SLC14A2: variants seen among roughly 807,000 people sequenced by gnomAD.
The protein encoded by SLC14A2 is solute carrier family 14 member 2.
In SLC14A2, 91 loss-of-function variants were observed where a neutral mutation model predicts 104.6. The observed-to-expected ratio is 0.87, with a 90% CI of 0.73 to 1.04. The LOEUF (loss-of-function observed/expected upper bound fraction) is 1.04, where lower values mean the gene tolerates loss of function less well. Among genes scored for constraint, SLC14A2 ranks in the 50% least tolerant of loss-of-function variants. The pLI is 0.00. For missense variants in SLC14A2, 1,189 were observed against 1,156.0 expected, an observed-to-expected ratio of 1.03 and a Z score of -0.41; for synonymous variants, 476 against 466.4, an observed-to-expected ratio of 1.02 and a Z score of -0.27.
chr18:45,287,802 C>T (rs1033432865), intron 1 of SLC14A2, among the ~76,000 whole-genome samples: 2 of 152,196 alleles, frequency 1.3e-5, no homozygotes, highest in Non-Finnish European at 1.5e-5. Flanking sequence ...CAGATACCAC[C>T]GAGTCCTCTC....
At chr18:45,385,365 C>A (rs1011681651) in intron 1 of SLC14A2, among the ~76,000 whole-genome samples, 15 of 152,346 alleles carry the variant, frequency 9.8e-5, no homozygotes, top group African/African-American at 3.6e-4. Context: ...GTGTTTCCCT[C>A]TGGGTCAAAA....
intron 1 of SLC14A2, among the ~76,000 whole-genome samples, chr18:45,466,708 G>A (rs1322849657): frequency 6.6e-6 from 1 of 151,578 alleles, no homozygotes; most frequent in African/African-American, 2.4e-5. Flanking sequence ...AGTAGATTGA[G>A]GGTAAATAAA....
At chr18:45,469,961 A>G (rs1372921611) in intron 1 of SLC14A2, among the ~76,000 whole-genome samples, 5 of 152,206 alleles carry the variant, frequency 3.3e-5, no homozygotes, top group African/African-American at 1.2e-4. Context: ...AGCTGTTTGT[A>G]AAAATACAGC....
the SLC14A2 span, among the ~76,000 whole-genome samples, chr18:45,188,323 A>G: frequency 1.3e-5 from 2 of 152,132 alleles, no homozygotes; most frequent in South Asian, 4.1e-4. Context: ...GAATCTTTGG[A>G]CACCTCCTCA....
chr18:45,189,662 C>A, the SLC14A2 span, among the ~76,000 whole-genome samples: 150 of 152,258 alleles, frequency 9.9e-4, no homozygotes, highest in African/African-American at 3.5e-3. Context: ...GCATGATAAT[C>A]GTGTATGTTT....
chr18:45,649,880 C>T (rs2045700789), intron 10 of SLC14A2, among the ~76,000 whole-genome samples: 1 of 152,208 alleles, frequency 6.6e-6, no homozygotes, highest in South Asian at 2.1e-4. Context: ...AGTTAGTTGT[C>T]CTTTCTGTCT....
At chr18:45,220,110 C>CACATTATTGGATTAAAAAAA (rs140471745) in intron 1 of SLC14A2, among the ~76,000 whole-genome samples, 18,501 of 152,142 alleles carry the variant, frequency 0.12, 1,164 homozygotes, top group African/African-American at 0.14. Flanking sequence ...AGACTTAGAT[C>CACATTATTGGATTAAAAAAA]TGATATTGCT....
intron 1 of SLC14A2, among the ~76,000 whole-genome samples, chr18:45,292,681 C>T (rs1046251423): frequency 1.3e-5 from 2 of 152,182 alleles, no homozygotes; most frequent in Admixed American, 1.3e-4. Flanking sequence ...TCCCTGCAAA[C>T]AATGACTTTG....
chr18:45,525,614 G>A (rs1015744241), intron 2 of SLC14A2, among the ~76,000 whole-genome samples: 9 of 152,186 alleles, frequency 5.9e-5, no homozygotes. Context: ...CACCCATGAT[G>A]ATTTCAAAAT....
At chr18:45,406,742 A>G (rs1480051371) in intron 1 of SLC14A2, among the ~76,000 whole-genome samples, 4 of 152,248 alleles carry the variant, frequency 2.6e-5, no homozygotes, top group Non-Finnish European at 5.9e-5. Flanking sequence ...GCATGGAAAC[A>G]ATATTAATCT....
intron 2 of SLC14A2, among the ~76,000 whole-genome samples, chr18:45,545,256 T>C (rs1425810936): frequency 6.6e-6 from 1 of 152,252 alleles, no homozygotes; most frequent in Non-Finnish European, 1.5e-5. Flanking sequence ...TTTTAAGCTT[T>C]TATTTTAAAA....
chr18:45,186,362 T>C, the SLC14A2 span, among the ~76,000 whole-genome samples: 2 of 152,196 alleles, frequency 1.3e-5, no homozygotes, highest in Non-Finnish European at 2.9e-5. Context: ...TGGGAAAGGA[T>C]TGGCTTTTTT....
intron 1 of SLC14A2, among the ~76,000 whole-genome samples, chr18:45,446,361 T>C (rs562338596): frequency 1.9e-4 from 29 of 152,224 alleles, no homozygotes; most frequent in African/African-American, 7.0e-4. Flanking sequence ...GGGATTAGTG[T>C]CCTTATAAGA....
chr18:45,572,037 T>C (rs1334643872), intron 2 of SLC14A2, among the ~76,000 whole-genome samples: 2 of 152,126 alleles, frequency 1.3e-5, no homozygotes, highest in Non-Finnish European at 2.9e-5. Flanking sequence ...AGTCCAGATA[T>C]GGATTTTTTT....
chr18:45,403,803 A>G (rs1391418840), intron 1 of SLC14A2, among the ~76,000 whole-genome samples: 2 of 152,188 alleles, frequency 1.3e-5, no homozygotes, highest in Non-Finnish European at 2.9e-5. Context: ...TGGACATTCT[A>G]TGAGTCAGAT....
chr18:45,334,298 AC>A (rs2085317186), intron 1 of SLC14A2, among the ~76,000 whole-genome samples: 1 of 152,188 alleles, frequency 6.6e-6, no homozygotes, highest in Non-Finnish European at 1.5e-5. Context: ...ACCCTCCATT[AC>A]AAACACTTTA....
At chr18:45,325,502 C>T (rs1302657414) in intron 1 of SLC14A2, among the ~76,000 whole-genome samples, 1 of 152,170 alleles carries the variant, frequency 6.6e-6, no homozygotes, top group African/African-American at 2.4e-5. Context: ...ATCCTGTTCT[C>T]CAGAATTACA....
At chr18:45,345,995 T>C (rs932591694) in intron 1 of SLC14A2, among the ~76,000 whole-genome samples, 2 of 152,236 alleles carry the variant, frequency 1.3e-5, no homozygotes, top group South Asian at 4.1e-4. Flanking sequence ...GGCTTTAAAA[T>C]GTTTGCCAGT....
intron 2 of SLC14A2, among the ~76,000 whole-genome samples, chr18:45,512,630 C>G (rs1220517691): frequency 1.3e-5 from 2 of 152,160 alleles, no homozygotes; most frequent in Non-Finnish European, 2.9e-5. Context: ...TGATGGTCTT[C>G]CAGCAAGAGA....
Sources: gnomAD v4.1 joint callset for allele counts (sites outside exome capture counted in the v4.1 genomes callset) on GRCh38, gnomAD v4.1.1 for gene constraint, MANE v1.5 for transcripts, NCBI Gene and HGNC (gene_info 2026-07-23, HGNC 2026-07-21) for gene names.